The following EYA4 variants were observed in gnomAD, a reference collection of about 807,000 sequenced individuals.
EYA4 encodes the protein EYA transcriptional coactivator and phosphatase 4.
Under a neutral mutation model 87.9 loss-of-function variants are expected in EYA4, and 31 were observed. That is an observed-to-expected ratio of 0.35 (90% CI 0.27 to 0.48). The LOEUF (loss-of-function observed/expected upper bound fraction) is 0.48. Among genes scored for constraint, EYA4 ranks in the 20% least tolerant of loss-of-function variants. EYA4 has a pLI of 0.99. For missense variants in EYA4, 678 were observed against 761.4 expected, an observed-to-expected ratio of 0.89 and a Z score of 1.29; for synonymous variants, 263 against 270.6, an observed-to-expected ratio of 0.97 and a Z score of 0.28.
chr6:133,361,901 G>A (rs1044773449), intron 2 of EYA4, among the ~76,000 whole-genome samples: 9 of 152,204 alleles, frequency 5.9e-5, no homozygotes, highest in African/African-American at 2.2e-4. Context: ...AGATGTTTTT[G>A]ACAATCTAAC....
At position 133,512,653 on chromosome 6, in the gene EYA4, G is replaced by A. The variant is rs371364498; in HGVS notation, c.1282-68G>A. 9 of 1,248,686 alleles carry A rather than the reference G, an allele frequency of 7.2e-6. No individual in the cohort carries two copies. The African/African-American group carries it at 1.3e-4, about 18-fold the overall frequency. 77.4% of individuals were successfully genotyped at this position (1,248,686 alleles called of 1,614,324 possible). On this transcript the variant is annotated intron_variant, in intron 14 of 19. Coordinates refer to ENST00000355286, the MANE Select transcript of EYA4 (RefSeq NM_004100.5). ...GGTAGTCTGATCAGATGAGAAGATG[G>A]GAAAACCTTCAAGCATGGTAACAAG...
intron 1 of EYA4, among the ~76,000 whole-genome samples, chr6:133,268,756 A>T (rs994958299): frequency 6.6e-6 from 1 of 152,324 alleles, no homozygotes; most frequent in East Asian, 1.9e-4. Context: ...AATCAGGACC[A>T]GGCTGAGATA....
intron 6 of EYA4, among the ~76,000 whole-genome samples, chr6:133,457,050 T>C (rs1284557774): frequency 6.6e-6 from 1 of 152,136 alleles, no homozygotes; most frequent in African/African-American, 2.4e-5. Context: ...TCCATTTGAT[T>C]CCTTCTAAAT....
chr6:133,383,517 CAAAAAAAA>C (rs768724484), intron 3 of EYA4, among the ~76,000 whole-genome samples: 23 of 45,240 alleles, frequency 5.1e-4, no homozygotes, highest in Admixed American at 2.5e-3. Flanking sequence ...GACTCCATCT[CAAAAAAAA>C]AAAAAAAAAA....
At chr6:133,287,639 A>C (rs1778169761) in intron 2 of EYA4, among the ~76,000 whole-genome samples, 1 of 145,534 alleles carries the variant, frequency 6.9e-6, no homozygotes, top group South Asian at 2.3e-4. Flanking sequence ...GATGTATAAG[A>C]TAACAGTCCT....
At chr6:133,460,529 T>A (rs1794287475) in intron 6 of EYA4, among the ~76,000 whole-genome samples, 1 of 152,158 alleles carries the variant, frequency 6.6e-6, no homozygotes, top group African/African-American at 2.4e-5. Flanking sequence ...TGTGATTATG[T>A]TTTAAAGAAA....
At chr6:133,431,771 T>C (rs570046858) in intron 3 of EYA4, among the ~76,000 whole-genome samples, 5 of 152,326 alleles carry the variant, frequency 3.3e-5, no homozygotes, top group Middle Eastern at 6.8e-3. Context: ...TTTAAATTTA[T>C]AACATTGTGT....
Position 133,468,680 on chromosome 6 carries a change from A to G in EYA4, c.919A>G (p.Thr307Ala), listed in dbSNP as rs1289099998. ...NNTADGTPSS[T>A]STYQLQESLP... is the part of the protein sequence containing the mutation. ...CACAGCCGATGGCACACCCTCTTCA[A>G]CCTCTACTTATCAGTTGCAGGAATC... The change falls in exon 11 of 20, where the codon ACC (threonine) becomes GCC (alanine). Residue 307 changes from threonine to alanine, a missense_variant. Thr to Ala is a moderately conservative substitution (Grantham distance 58). Transcript: ENST00000355286. 1.1e-5 allele frequency: 18 copies of G among 1,612,958 alleles called. No individual in the cohort carries two copies. The highest frequency in any genetic ancestry group is 1.6e-4 in the Middle Eastern group (1 of 6,078).
chr6:133,410,479 A>C (rs1789113251), intron 3 of EYA4, among the ~76,000 whole-genome samples: 1 of 150,848 alleles, frequency 6.6e-6, no homozygotes, highest in Non-Finnish European at 1.5e-5. Flanking sequence ...AGGACATTGG[A>C]TAATTACTAT....
chr6:133,434,945 G>A (rs902791548), intron 3 of EYA4: 2 of 152,178 alleles, frequency 1.3e-5, no homozygotes, highest in African/African-American at 4.8e-5. Context: ...ATTAATGATG[G>A]TTTGAACTGA....
chr6:133,408,741 A>T (rs180778501), intron 3 of EYA4, among the ~76,000 whole-genome samples: 1 of 152,282 alleles, frequency 6.6e-6, no homozygotes, highest in Non-Finnish European at 1.5e-5. Flanking sequence ...GCCTGGCGCG[A>T]CTAAGTACTC....
chr6:133,280,328 G>A (rs780205678), intron 2 of EYA4, among the ~76,000 whole-genome samples: 4 of 152,134 alleles, frequency 2.6e-5, no homozygotes, highest in African/African-American at 7.2e-5. Flanking sequence ...AAGTAGATGC[G>A]TTCAGTATAA....
At chr6:133,260,580 T>C (rs1382500357) in intron 1 of EYA4, among the ~76,000 whole-genome samples, 1 of 152,236 alleles carries the variant, frequency 6.6e-6, no homozygotes, top group African/African-American at 2.4e-5. Flanking sequence ...TAGAACCCTT[T>C]GTACTCTGTG....
intron 1 of EYA4, among the ~76,000 whole-genome samples, chr6:133,243,016 C>T (rs1359911795): frequency 6.6e-6 from 1 of 151,934 alleles, no homozygotes; most frequent in Non-Finnish European, 1.5e-5. Context: ...GTCCCTCTGC[C>T]CTTTCTGCCA....
At chr6:133,258,492 A>T (rs1040751696) in intron 1 of EYA4, among the ~76,000 whole-genome samples, 3 of 152,148 alleles carry the variant, frequency 2.0e-5, no homozygotes, top group African/African-American at 7.2e-5. Context: ...TGCTGGGGTT[A>T]CAAGTAATTT....
At position 133,265,312 on chromosome 6, in the gene EYA4, A is replaced by G. The variant is rs567431666; in HGVS notation, c.-65-9404A>G. Reference sequence around the variant, plus strand: ...GTTACTTTCAGTGGCAAAAACCGCAATTGTTTTTGCACAAACCTAATAATA... The same window carrying G: ...GTTACTTTCAGTGGCAAAAACCGCAGTTGTTTTTGCACAAACCTAATAATA... On this transcript the variant is annotated intron_variant, in intron 1 of 19. Transcript: ENST00000355286. 4.9e-4 allele frequency among the ~76,000 whole-genome samples: 74 copies of G among 151,838 alleles called. 1 individual carries two copies. Among genetic ancestry groups the G allele is most frequent in the African/African-American group, 1.6e-3 (68 of 41,440 alleles).
chr6:133,294,023 T>TATATATA (rs1778716379), intron 2 of EYA4, among the ~76,000 whole-genome samples: 7 of 78,780 alleles, frequency 8.9e-5, no homozygotes, highest in Non-Finnish European at 1.7e-4. Context: ...TAGGGTGATT[T>TATATATA]TATATATATA....
intron 2 of EYA4, among the ~76,000 whole-genome samples, chr6:133,361,122 G>C (rs1309133510): frequency 3.3e-5 from 5 of 152,170 alleles, no homozygotes; most frequent in Non-Finnish European, 7.3e-5. Flanking sequence ...ATCTGAAGCT[G>C]ACTGTTAGAT....
intron 3 of EYA4, among the ~76,000 whole-genome samples, chr6:133,437,907 C>A (rs527771386): frequency 7.9e-5 from 12 of 152,284 alleles, no homozygotes; most frequent in Non-Finnish European, 1.5e-4. Flanking sequence ...ACAGGGATTA[C>A]AATTCAAGAT....
Sources: allele counts gnomAD v4.1 joint callset (sites outside exome capture counted in the v4.1 genomes callset), GRCh38; gene constraint gnomAD v4.1.1; transcripts MANE v1.5; gene names NCBI Gene and HGNC (gene_info 2026-07-23, HGNC 2026-07-21).